Variants in NRXN3 observed in about 807,000 individuals in gnomAD.
NRXN3 encodes neurexin III.
A neutral mutation model predicts 137.6 loss-of-function variants in NRXN3; 32 were observed. The ratio of observed to expected loss-of-function variants is 0.23; its 90% CI spans 0.18 to 0.31. The LOEUF (loss-of-function observed/expected upper bound fraction) is 0.31. NRXN3 is among the 10% of genes least tolerant of loss of function. NRXN3 has a pLI of 1.00. For synonymous variants in NRXN3, 798 were observed against 784.5 expected (o/e 1.02, Z -0.29); for missense variants, 1,574 against 2,062.5 (o/e 0.76, Z 4.59).
chr14:79,096,608 T>TA (rs56223095), intron 15 of NRXN3, among the ~76,000 whole-genome samples: 9 of 149,118 alleles, frequency 6.0e-5, no homozygotes, highest in African/African-American at 1.5e-4. Context: ...TGTGTAAAAA[T>TA]AAAAAAAAAA....
intron 4 of NRXN3, among the ~76,000 whole-genome samples, chr14:78,387,704 C>G (rs2090173700): frequency 6.6e-6 from 1 of 152,188 alleles, no homozygotes; most frequent in Non-Finnish European, 1.5e-5. Flanking sequence ...TCCTTTCCCT[C>G]CCTACTCCCA....
chr14:78,927,556 C>T (rs571957927), intron 10 of NRXN3, among the ~76,000 whole-genome samples: 2 of 152,268 alleles, frequency 1.3e-5, no homozygotes, highest in South Asian at 4.1e-4. Context: ...ACCATTACTT[C>T]ATACAGTGTT....
intron 20 of NRXN3, among the ~76,000 whole-genome samples, chr14:79,849,779 A>G (rs141954088): frequency 2.6e-5 from 4 of 152,332 alleles, no homozygotes; most frequent in African/African-American, 9.6e-5. Flanking sequence ...GGAAATTACC[A>G]TCTTGTAGAG....
chr14:79,540,635 A>C (rs886759808), intron 16 of NRXN3, among the ~76,000 whole-genome samples: 2 of 152,172 alleles, frequency 1.3e-5, no homozygotes, highest in Non-Finnish European at 2.9e-5. Flanking sequence ...TACAATACAA[A>C]AGTAAAATAG....
intron 10 of NRXN3, among the ~76,000 whole-genome samples, chr14:78,863,310 T>C (rs1027919774): frequency 9.9e-5 from 15 of 152,186 alleles, no homozygotes; most frequent in African/African-American, 3.6e-4. Flanking sequence ...AGCCTACGTT[T>C]AGAGGTTTAT....
At chr14:79,066,723 A>G (rs1460419285) in intron 15 of NRXN3, among the ~76,000 whole-genome samples, 1 of 151,918 alleles carries the variant, frequency 6.6e-6, no homozygotes, top group East Asian at 1.9e-4. Context: ...TTCTTTCTGT[A>G]GTAATTGTGA....
At chr14:78,837,274 G>A (rs2098999722) in intron 10 of NRXN3, among the ~76,000 whole-genome samples, 1 of 152,132 alleles carries the variant, frequency 6.6e-6, no homozygotes, top group South Asian at 2.1e-4. Context: ...TAGCAGCCAA[G>A]TTCCTGTTAA....
At chr14:78,961,255 A>G (rs1313544090) in intron 11 of NRXN3, among the ~76,000 whole-genome samples, 1 of 152,014 alleles carries the variant, frequency 6.6e-6, no homozygotes, top group Admixed American at 6.6e-5. Context: ...AGCGTTTCCC[A>G]TTATTATTCT....
At chr14:79,065,126 G>C (rs532403120) in intron 15 of NRXN3, among the ~76,000 whole-genome samples, 1 of 151,934 alleles carries the variant, frequency 6.6e-6, no homozygotes, top group African/African-American at 2.4e-5. Flanking sequence ...GTTATTTTAT[G>C]TAGTTTATTC....
At chr14:79,755,980 T>C (rs2099018136) in intron 19 of NRXN3, among the ~76,000 whole-genome samples, 2 of 152,184 alleles carry the variant, frequency 1.3e-5, no homozygotes, top group Non-Finnish European at 2.9e-5. Context: ...GAAAAGTAAG[T>C]AATTTTCATT....
intron 17 of NRXN3, among the ~76,000 whole-genome samples, chr14:79,686,564 G>A (rs1217660726): frequency 6.6e-6 from 1 of 151,866 alleles, no homozygotes; most frequent in Non-Finnish European, 1.5e-5. Context: ...ATTTAATTTG[G>A]ATAAAACCAT....
chr14:79,464,468 T>C (rs946422725), intron 15 of NRXN3, among the ~76,000 whole-genome samples: 9 of 152,110 alleles, frequency 5.9e-5, no homozygotes, highest in African/African-American at 2.2e-4. Context: ...AAATTATATA[T>C]TTATGTATTA....
Position 79,805,142 on chromosome 14 carries a change from G to C in NRXN3, c.4045G>C (p.Glu1349Gln). The change falls in exon 20 of 21, where the codon GAA (glutamate) becomes CAA (glutamine). Residue 1349 changes from glutamate (E) to glutamine (Q), a missense_variant. Coordinates refer to ENST00000335750, the MANE Select transcript of NRXN3 (RefSeq NM_001330195.2). ...ATCAGATGATCTTGTTTCATCTGCT[G>C]AATGTTCAAGTGATGATGAAGACTT... Reference protein sequence around the residue: ...PTSDDLVSSAECSSDDEDFVE... With the variant: ...PTSDDLVSSAQCSSDDEDFVE... 1 of 1,613,364 alleles carries C rather than the reference G, an allele frequency of 6.2e-7. No individual in the cohort carries two copies. The highest frequency in any genetic ancestry group is 8.5e-7 in the Non-Finnish European group (1 of 1,179,590).
intron 16 of NRXN3, among the ~76,000 whole-genome samples, chr14:79,512,383 T>G (rs2096940301): frequency 6.6e-6 from 1 of 152,166 alleles, no homozygotes; most frequent in African/African-American, 2.4e-5. Context: ...CTCCTCCAGA[T>G]GACTATTAGG....
At chr14:78,838,582 G>A (rs184529756) in intron 10 of NRXN3, among the ~76,000 whole-genome samples, 22 of 152,234 alleles carry the variant, frequency 1.4e-4, no homozygotes, top group Admixed American at 7.9e-4. Context: ...CAGAAGTTGA[G>A]GCACATGAAG....
intron 19 of NRXN3, among the ~76,000 whole-genome samples, chr14:79,788,691 G>A (rs546907853): frequency 6.6e-6 from 1 of 152,276 alleles, no homozygotes; most frequent in East Asian, 1.9e-4. Flanking sequence ...TCTAGAAGAA[G>A]TCCCTTGTCT....
chr14:78,795,093 CA>C (rs1476931213), intron 8 of NRXN3, among the ~76,000 whole-genome samples: 1 of 151,468 alleles, frequency 6.6e-6, no homozygotes, highest in East Asian at 1.9e-4. Context: ...GACTCTGTCT[CA>C]AAAAAAGAAA....
chr14:79,560,508 T>G (rs1353199159), intron 16 of NRXN3, among the ~76,000 whole-genome samples: 1 of 96,490 alleles, frequency 1.0e-5, no homozygotes, highest in Non-Finnish European at 2.1e-5. Context: ...TGTAAGCTTT[T>G]TTTTTTTTTT....
intron 15 of NRXN3, among the ~76,000 whole-genome samples, chr14:79,016,507 A>T (rs972366117): frequency 6.6e-6 from 1 of 152,202 alleles, no homozygotes; most frequent in Non-Finnish European, 1.5e-5. Flanking sequence ...AGTGTGCTAG[A>T]TGCAAGGGAT....
Sources: allele counts gnomAD v4.1 joint callset (sites outside exome capture counted in the v4.1 genomes callset), GRCh38; gene constraint gnomAD v4.1.1; transcripts MANE v1.5; gene names NCBI Gene and HGNC (gene_info 2026-07-23, HGNC 2026-07-21).